TNRC6B: variants seen among roughly 807,000 people sequenced by gnomAD.
TNRC6B encodes the protein trinucleotide repeat containing adaptor 6B.
TNRC6B carries 52 observed loss-of-function variants against 203.6 expected under a neutral mutation model. That is an observed-to-expected ratio of 0.26 (90% CI 0.20 to 0.32). The LOEUF is 0.32. TNRC6B is among the 10% of genes least tolerant of loss of function. The pLI is 1.00. For missense variants in TNRC6B, 1,923 were observed against 2,286.2 expected, an observed-to-expected ratio of 0.84 and a Z score of 3.24; for synonymous variants, 838 against 845.7, an observed-to-expected ratio of 0.99 and a Z score of 0.16.
At chr22:40,292,399 A>G (rs964060483) in intron 12 of TNRC6B, among the ~76,000 whole-genome samples, 1 of 151,912 alleles carries the variant, frequency 6.6e-6, no homozygotes, top group African/African-American at 2.4e-5. Context: ...AAGATTTGTT[A>G]CAAATATTCC....
rs751973203 is a variant in TNRC6B at position 40,285,640 on chromosome 22, T to C, written c.3583-5T>C. The C allele has an allele frequency of 1.2e-6, 2 of 1,609,288 alleles. No homozygotes were observed. The highest frequency in any genetic ancestry group is 1.7e-5 in the Admixed American group (1 of 58,404). ...AAAGCCTTACTGCTGCTTTTCTGTT[T>C]ACAGGGCGGTAGTCATGGTTTGTTT... On this transcript the variant is annotated splice_region_variant and splice_polypyrimidine_tract_variant and intron_variant, in intron 11 of 22. Coordinates refer to ENST00000454349, the MANE Select transcript of TNRC6B (RefSeq NM_001162501.2).
intron 1 of TNRC6B, among the ~76,000 whole-genome samples, chr22:40,182,005 G>A (rs1268073900): frequency 6.6e-6 from 1 of 151,814 alleles, no homozygotes; most frequent in Non-Finnish European, 1.5e-5. Context: ...CAGCACTTTG[G>A]GAGGTCGAGG....
intron 1 of TNRC6B, among the ~76,000 whole-genome samples, chr22:40,243,922 A>G (rs2070067434): frequency 6.6e-6 from 1 of 152,124 alleles, no homozygotes; most frequent in Non-Finnish European, 1.5e-5. Context: ...TAATTTTAGA[A>G]TAATTTTAGA....
chr22:40,284,154 C>T (rs2070754604), intron 11 of TNRC6B, among the ~76,000 whole-genome samples: 2 of 152,304 alleles, frequency 1.3e-5, no homozygotes, highest in South Asian at 4.1e-4. Flanking sequence ...AAGGTCTTCT[C>T]ATGTTTCAAC....
chr22:40,259,958 A>G (rs1246194578), intron 3 of TNRC6B, among the ~76,000 whole-genome samples: 1 of 151,956 alleles, frequency 6.6e-6, no homozygotes, highest in African/African-American at 2.4e-5. Flanking sequence ...ATTTTTATGG[A>G]GAGGGTAGTG....
chr22:40,095,662 T>G (rs1441063967), intron 1 of TNRC6B, among the ~76,000 whole-genome samples: 1 of 150,860 alleles, frequency 6.6e-6, no homozygotes, highest in Non-Finnish European at 1.5e-5. Flanking sequence ...CATTATCCTT[T>G]AAGTAACTGA....
chr22:40,233,021 G>A (rs1407589721), intron 1 of TNRC6B, among the ~76,000 whole-genome samples: 1 of 151,990 alleles, frequency 6.6e-6, no homozygotes, highest in African/African-American at 2.4e-5. Flanking sequence ...AGTGGTGCGC[G>A]CCTATAGTCC....
At chr22:40,111,008 C>T (rs539760367) in intron 1 of TNRC6B, among the ~76,000 whole-genome samples, 3 of 152,262 alleles carry the variant, frequency 2.0e-5, no homozygotes, top group African/African-American at 7.2e-5. Context: ...TTACCACCTC[C>T]TAGTGTACAC....
intron 4 of TNRC6B, among the ~76,000 whole-genome samples, chr22:40,158,997 C>G (rs2068845778): frequency 6.6e-6 from 1 of 151,988 alleles, no homozygotes; most frequent in Non-Finnish European, 1.5e-5. Flanking sequence ...GAGTCTCGCT[C>G]TGTCGCCCAG....
chr22:40,152,801 TA>T (rs567749566), intron 3 of TNRC6B, among the ~76,000 whole-genome samples: 1 of 151,520 alleles, frequency 6.6e-6, no homozygotes, highest in South Asian at 2.1e-4. Flanking sequence ...AATATGTGGG[TA>T]AAAAAAATGT....
rs549327008 is a variant in TNRC6B at position 40,294,427 on chromosome 22, T to C, written c.3709-6028T>C. Among the ~76,000 whole-genome samples the C allele has an allele frequency of 2.6e-5, 4 of 152,194 alleles. No individual in the cohort carries two copies. In the South Asian group the frequency reaches 8.3e-4, roughly 32 times the overall value. On this transcript the variant is annotated intron_variant, in intron 12 of 22. Transcript: ENST00000454349. ...CTCTGTCTCAAAATTTCCCTCTTCA[T>C]ATGAGGACACCAGTTAATGGATTAG...
chr22:40,174,229 C>A (rs931032625), upstream of TNRC6B, among the ~76,000 whole-genome samples: 1 of 151,756 alleles, frequency 6.6e-6, no homozygotes, highest in African/African-American at 2.4e-5. Context: ...AGTGGCACGA[C>A]CTTGCTCACT....
At position 40,265,779 on chromosome 22, in the gene TNRC6B, T is replaced by G. The variant is rs375620018; in HGVS notation, c.1549T>G (p.Ser517Ala). The part of the protein sequence containing the change: ...SQGEWKQPTG[S>A]DELKIGEWSG... ...GGGAGAATGGAAACAGCCGACTGGG[T>G]CTGATGAGTTGAAAATTGGAGAATG... The change falls in exon 5 of 23, where the codon TCT becomes GCT. Residue 517 changes from serine (S) to alanine (A), a missense_variant. Transcript: ENST00000454349. The G allele has an allele frequency of 1.2e-6, 2 of 1,613,382 alleles. No homozygotes were observed. Among genetic ancestry groups the G allele is most frequent in the Non-Finnish European group, 1.7e-6 (2 of 1,179,812 alleles).
At chr22:40,260,303 A>G (rs182995981) in intron 3 of TNRC6B, among the ~76,000 whole-genome samples, 307 of 152,256 alleles carry the variant, frequency 2.0e-3, no homozygotes, top group Non-Finnish European at 3.9e-3. Context: ...TAGAAACCAG[A>G]ACCAAGCTGA....
chr22:40,137,242 C>T (rs1314858869), intron 3 of TNRC6B, among the ~76,000 whole-genome samples: 1 of 152,200 alleles, frequency 6.6e-6, no homozygotes, highest in Admixed American at 6.5e-5. Flanking sequence ...AACAAGATTT[C>T]ATGGATTTTG....
rs1184299870 is a variant in TNRC6B at position 40,277,161 on chromosome 22, A to T, written c.3216+10A>T. The T allele has an allele frequency of 2.5e-6, 4 of 1,599,528 alleles. No homozygotes were observed. The highest frequency in any genetic ancestry group is 1.7e-5 in the Admixed American group (1 of 57,558). ...AAATATGGGATTGCTGGTAAGTTTT[A>T]TTTTTTTCAAATGTATAACGTATCC... On this transcript the variant is annotated intron_variant, in intron 8 of 22. Coordinates refer to ENST00000454349, the MANE Select transcript of TNRC6B (RefSeq NM_001162501.2).
At position 40,333,435 on chromosome 22, in the gene TNRC6B, C is replaced by A. The variant is rs2044002877; in HGVS notation, c.*10194C>A. 6.6e-6 allele frequency: 1 copy of A among 152,618 alleles called. No homozygotes were observed. The highest frequency in any genetic ancestry group is 2.1e-4 in the South Asian group (1 of 4,832). 9.5% of individuals were successfully genotyped at this position (152,618 alleles called of 1,614,324 possible). ...AATCTAGTGCCAGGGTAAGAAGTGT[C>A]TGAATTTCTCTCTTCCAGCAGATCC... On this transcript the variant is annotated 3_prime_UTR_variant, in exon 23 of 23. Transcript: ENST00000454349.
chr22:40,070,444 A>T (rs1002574113), intron 1 of TNRC6B, among the ~76,000 whole-genome samples: 6 of 152,170 alleles, frequency 3.9e-5, no homozygotes, highest in Non-Finnish European at 7.3e-5. Flanking sequence ...GTTGACAGAG[A>T]TCTGCTTTTT....
At chr22:40,294,400 T>G (rs2070911733) in intron 12 of TNRC6B, among the ~76,000 whole-genome samples, 1 of 152,212 alleles carries the variant, frequency 6.6e-6, no homozygotes, top group Non-Finnish European at 1.5e-5. Context: ...TGGCTTTTTC[T>G]TCTCTGTCTC....
Sources: allele counts gnomAD v4.1 joint callset (sites outside exome capture counted in the v4.1 genomes callset), GRCh38; gene constraint gnomAD v4.1.1; transcripts MANE v1.5; gene names NCBI Gene and HGNC (gene_info 2026-07-23, HGNC 2026-07-21).